The following MSRB3 variants were observed in gnomAD, a reference collection of about 807,000 sequenced individuals.
The protein encoded by MSRB3 is methionine-R-sulfoxide reductase B3.
MSRB3 carries 13 observed loss-of-function variants against 21.0 expected under a neutral mutation model. The ratio of observed to expected loss-of-function variants is 0.62; its 90% CI spans 0.40 to 0.98. The LOEUF (loss-of-function observed/expected upper bound fraction) is 0.98. Ranked by LOEUF, MSRB3 falls within the 50% of genes least tolerant of loss-of-function variation. MSRB3 has a pLI of 0.00. For synonymous variants in MSRB3, 87 were observed against 88.6 expected (o/e 0.98, Z 0.10); for missense variants, 199 against 230.3 (o/e 0.86, Z 0.88).
intron 6 of MSRB3, among the ~76,000 whole-genome samples, chr12:65,459,378 G>T (rs746673254): frequency 1.3e-5 from 2 of 152,136 alleles, no homozygotes; most frequent in Non-Finnish European, 2.9e-5. Context: ...GATGATTAAA[G>T]ATACACATGT....
intron 5 of MSRB3, among the ~76,000 whole-genome samples, chr12:65,382,678 T>C (rs1351672555): frequency 6.6e-6 from 1 of 152,036 alleles, no homozygotes; most frequent in African/African-American, 2.4e-5. Flanking sequence ...TGGCTTTTAC[T>C]GATTTATTAG....
Position 65,458,789 on chromosome 12 carries a change from G to A in MSRB3, c.391-4366G>A, listed in dbSNP as rs183101504. Among the ~76,000 whole-genome samples, 351 of 152,196 alleles carry A rather than the reference G, an allele frequency of 2.3e-3. 1 individual carries two copies. Among genetic ancestry groups the A allele is most frequent in the Non-Finnish European group, 2.7e-3 (181 of 67,998 alleles). ...TTTTCCCTCCAGCTGCAGCCATCTT[G>A]TAACAATTTTCAGCTATAAAGAATT... On this transcript the variant is annotated intron_variant, in intron 6 of 6. Coordinates refer to ENST00000308259, the MANE Select transcript of MSRB3 (RefSeq NM_001031679.3).
At chr12:65,454,092 C>T (rs1260930938) in intron 6 of MSRB3, 72 of 617,196 alleles carry the variant, frequency 1.2e-4, no homozygotes, top group South Asian at 3.1e-4. Flanking sequence ...AAGACGAGTC[C>T]GGGCAACCTA....
At chr12:65,308,095 G>A (rs1314708400) in intron 1 of MSRB3, among the ~76,000 whole-genome samples, 1 of 152,096 alleles carries the variant, frequency 6.6e-6, no homozygotes, top group Non-Finnish European at 1.5e-5. Context: ...TATTTGCTTT[G>A]TGCCCTTGGA....
chr12:65,430,979 T>G (rs796765216), intron 5 of MSRB3, among the ~76,000 whole-genome samples: 3 of 152,260 alleles, frequency 2.0e-5, no homozygotes, highest in African/African-American at 7.2e-5. Context: ...TTTCTTGTTT[T>G]GCTTAAAATT....
intron 4 of MSRB3, among the ~76,000 whole-genome samples, chr12:65,338,002 G>A (rs772153988): frequency 1.5e-4 from 23 of 151,978 alleles, no homozygotes; most frequent in Non-Finnish European, 3.2e-4. Flanking sequence ...TCCATTACAC[G>A]GGCATTGGAT....
chr12:65,320,292 T>G (rs1483646161), intron 2 of MSRB3, among the ~76,000 whole-genome samples: 1 of 152,204 alleles, frequency 6.6e-6, no homozygotes, highest in South Asian at 2.1e-4. Context: ...AGATTTGTTT[T>G]TGTGTGTGTT....
chr12:65,392,570 A>G (rs1474113681), intron 5 of MSRB3, among the ~76,000 whole-genome samples: 1 of 152,146 alleles, frequency 6.6e-6, no homozygotes, highest in East Asian at 1.9e-4. Flanking sequence ...ACCCCAATTC[A>G]GTCCTTCTTG....
chr12:65,361,373 G>A (rs1877694022), intron 4 of MSRB3, among the ~76,000 whole-genome samples: 1 of 152,038 alleles, frequency 6.6e-6, no homozygotes, highest in African/African-American at 2.4e-5. Context: ...GACTTAGCTT[G>A]TTCTGTTTGT....
chr12:65,342,031 A>C (rs553597096), intron 4 of MSRB3, among the ~76,000 whole-genome samples: 1 of 151,986 alleles, frequency 6.6e-6, no homozygotes, highest in African/African-American at 2.4e-5. Flanking sequence ...ACTCAACACT[A>C]CTACAATACA....
chr12:65,379,168 TTCCATCCATCCATCCATCCATCCA>T (rs58173378), intron 5 of MSRB3, among the ~76,000 whole-genome samples: 12 of 148,336 alleles, frequency 8.1e-5, no homozygotes, highest in Non-Finnish European at 1.5e-4. Flanking sequence ...TCAACCATCC[TTCCATCCATCCATCCATCCATCCA>T]TCCATCCATC....
intron 5 of MSRB3, among the ~76,000 whole-genome samples, chr12:65,370,875 T>G (rs1302819336): frequency 6.6e-6 from 1 of 152,342 alleles, no homozygotes; most frequent in East Asian, 1.9e-4. Context: ...AATATTAAAC[T>G]TAAATATGTT....
At chr12:65,370,640 T>C (rs1026546868) in intron 5 of MSRB3, among the ~76,000 whole-genome samples, 3 of 152,240 alleles carry the variant, frequency 2.0e-5, no homozygotes, top group Non-Finnish European at 4.4e-5. Flanking sequence ...GCTAAATTCC[T>C]GTACTGAAGG....
chr12:65,311,367 T>G (rs767759960), intron 2 of MSRB3, among the ~76,000 whole-genome samples: 1 of 152,126 alleles, frequency 6.6e-6, no homozygotes, highest in Non-Finnish European at 1.5e-5. Flanking sequence ...TTCTCGACCA[T>G]TCAAGCACCA....
intron 5 of MSRB3, among the ~76,000 whole-genome samples, chr12:65,393,689 G>T (rs1879617558): frequency 6.7e-6 from 1 of 148,440 alleles, no homozygotes; most frequent in South Asian, 2.1e-4. Flanking sequence ...TGTGTTTGTT[G>T]TTCTTGTTTT....
At chr12:65,451,272 T>C (rs1018305957) in intron 5 of MSRB3, among the ~76,000 whole-genome samples, 4 of 152,220 alleles carry the variant, frequency 2.6e-5, no homozygotes, top group South Asian at 2.1e-4. Context: ...TTTTTATTTT[T>C]ATTTTTGACT....
At chr12:65,353,624 C>T (rs1877186216) in intron 4 of MSRB3, among the ~76,000 whole-genome samples, 1 of 152,046 alleles carries the variant, frequency 6.6e-6, no homozygotes, top group South Asian at 2.1e-4. Flanking sequence ...TGTGTCTCTG[C>T]ATGTGAGATG....
At chr12:65,370,935 T>C (rs1232035103) in intron 5 of MSRB3, among the ~76,000 whole-genome samples, 1 of 152,252 alleles carries the variant, frequency 6.6e-6, no homozygotes, top group Non-Finnish European at 1.5e-5. Context: ...TTATTTTTTC[T>C]TATAAGCTCC....
rs149493228 is a variant in MSRB3, at chr12:65,419,455, A to G, written c.293-34273A>G. The G allele has an allele frequency of 5.7e-4, 427 of 746,424 alleles. 4 individuals carry two copies. In the East Asian group the frequency reaches 8.4e-3, roughly 15 times the overall value. The allele number at this position is 746,424 out of a possible 1,614,324, so 46.2% of individuals were successfully genotyped here. A position where few individuals can be genotyped will look rare whatever the true frequency, so the allele number is the denominator to read the frequency against. The stretch of plus-strand genomic sequence containing the variant: ...CAGCTGAGTGACACTGGTGTCATCA[A>G]TGACCTTGCAGAGCCCATAGATGTC... On this transcript the variant is annotated intron_variant, in intron 5 of 6. Transcript: ENST00000308259.
Sources: allele counts gnomAD v4.1 joint callset (sites outside exome capture counted in the v4.1 genomes callset), GRCh38; gene constraint gnomAD v4.1.1; transcripts MANE v1.5; gene names NCBI Gene and HGNC (gene_info 2026-07-23, HGNC 2026-07-21).